Variants in BIRC6 observed in about 807,000 individuals in gnomAD.
BIRC6 encodes baculoviral IAP repeat containing 6.
In BIRC6, 98 loss-of-function variants were observed where a neutral mutation model predicts 503.3. That is an observed-to-expected ratio of 0.19 (90% CI 0.17 to 0.23). The LOEUF is 0.23. Among genes scored for constraint, BIRC6 ranks in the 10% least tolerant of loss-of-function variants. The pLI, the probability that BIRC6 is intolerant of heterozygous loss-of-function variation, is 1.00. For missense variants in BIRC6, 5,360 were observed against 5,806.0 expected (o/e 0.92, Z 2.50); for synonymous variants, 2,240 against 2,078.7 (o/e 1.08, Z -2.11).
intron 65 of BIRC6, chr2:32,564,251 T>C (rs1490978492): frequency 1.3e-5 from 2 of 152,232 alleles, no homozygotes; most frequent in Non-Finnish European, 2.9e-5. Context: ...AAATTGGCTT[T>C]TTCCATGCAG....
chr2:32,441,310 T>G lies in BIRC6; in HGVS notation c.3811-19T>G. 7.0e-7 allele frequency: 1 copy of G among 1,421,290 alleles called. No homozygotes were observed. The highest frequency in any genetic ancestry group is 9.6e-7 in the Non-Finnish European group (1 of 1,044,566). The allele number at this position is 1,421,290 out of a possible 1,614,324, so 88.0% of individuals were successfully genotyped here. A position where few individuals can be genotyped will look rare whatever the true frequency, so the allele number is the denominator to read the frequency against. ...GTTTAGTTTATTTTTTAAAATTCATTATTATTTGTAATGTTTAGGAAAAAT... is the reference window on the plus strand; with the variant it reads ...GTTTAGTTTATTTTTTAAAATTCATGATTATTTGTAATGTTTAGGAAAAAT... On this transcript the variant is annotated intron_variant, in intron 16 of 73. Transcript: ENST00000421745.
chr2:32,494,694 G>A (rs1400246712), intron 45 of BIRC6, among the ~76,000 whole-genome samples: 1 of 151,918 alleles, frequency 6.6e-6, no homozygotes, highest in Middle Eastern at 3.2e-3. Context: ...TTAAGCCCAG[G>A]AGTTTGAGAG....
At chr2:32,421,254 G>A (rs962168458) in intron 10 of BIRC6, among the ~76,000 whole-genome samples, 1 of 151,298 alleles carries the variant, frequency 6.6e-6, no homozygotes, top group South Asian at 2.1e-4. Flanking sequence ...CTACAGGCCC[G>A]AGCCACCACG....
At position 32,543,495 on chromosome 2, in the gene BIRC6, G is replaced by C. The variant is rs1291289464; in HGVS notation, c.12546G>C (p.Gln4182His). 3 of 1,613,990 alleles carry C rather than the reference G, an allele frequency of 1.9e-6. No individual in the cohort carries two copies. The highest frequency in any genetic ancestry group is 2.5e-6 in the Non-Finnish European group (3 of 1,179,898). The change falls in exon 62 of 74, where the codon CAG (glutamine) becomes CAC (histidine). Residue 4182 changes from glutamine (Q) to histidine (H), a missense_variant. This residue lies in a region of BIRC6 where 477 missense variants were observed against 574.4 expected (regional missense o/e 0.83). Coordinates refer to ENST00000421745, the MANE Select transcript of BIRC6 (RefSeq NM_016252.4). ...EVLLKERKHA[Q>H]CLLRLVLGVT... ...TACTGAAAGAGAGAAAACATGCCCA[G>C]TGCCTTCTTCGATTGGTATTGGGAG... is the stretch of plus-strand genomic sequence containing the variant.
At chr2:32,451,055 A>T (rs2046662919) in intron 22 of BIRC6, among the ~76,000 whole-genome samples, 1 of 152,190 alleles carries the variant, frequency 6.6e-6, no homozygotes, top group Non-Finnish European at 1.5e-5. Context: ...CACAAGTTAC[A>T]GTCATCTTGA....
At chr2:32,549,099 T>C (rs573791187) in intron 64 of BIRC6, 32 of 359,956 alleles carry the variant, frequency 8.9e-5, no homozygotes, top group Non-Finnish European at 1.5e-4. Context: ...TGTCTAGTCA[T>C]ATGTAGTGTA....
intron 9 of BIRC6, among the ~76,000 whole-genome samples, chr2:32,413,975 T>G (rs1434926982): frequency 2.0e-5 from 3 of 152,176 alleles, no homozygotes; most frequent in East Asian, 3.9e-4. Flanking sequence ...TTAGTAGAGA[T>G]GCAGCCATCC....
chr2:32,546,572 C>T (rs1205284591), intron 63 of BIRC6, among the ~76,000 whole-genome samples: 1 of 151,032 alleles, frequency 6.6e-6, no homozygotes, highest in Non-Finnish European at 1.5e-5. Context: ...AAGAGTGAAA[C>T]TGTGTCTCAA....
At chr2:32,480,095 C>T (rs1443947620) in intron 37 of BIRC6, among the ~76,000 whole-genome samples, 1 of 152,126 alleles carries the variant, frequency 6.6e-6, no homozygotes, top group African/African-American at 2.4e-5. Context: ...TCAGATGCTG[C>T]AGTCATTTTC....
chr2:32,428,235 C>T (rs997380467), intron 10 of BIRC6, among the ~76,000 whole-genome samples: 2 of 152,318 alleles, frequency 1.3e-5, no homozygotes, highest in African/African-American at 4.8e-5. Flanking sequence ...TTGCTGGACA[C>T]GTGCACAGCC....
chr2:32,531,655 C>T (rs552806273), intron 61 of BIRC6, 104 bp downstream of exon 61: 1 of 1,032,692 alleles, frequency 9.7e-7, no homozygotes, highest in Non-Finnish European at 1.4e-6. Context: ...GTAGAAATAC[C>T]CTTTGCTTTA....
chr2:32,466,661 G>A (rs1226741692), intron 26 of BIRC6, among the ~76,000 whole-genome samples: 1 of 152,168 alleles, frequency 6.6e-6, no homozygotes, highest in East Asian at 1.9e-4. Context: ...AGAGCAGATT[G>A]ATCCTTTACA....
intron 1 of BIRC6, among the ~76,000 whole-genome samples, chr2:32,369,974 A>ATGTGTGTG (rs1558541661): frequency 1.6e-5 from 1 of 62,988 alleles, no homozygotes; most frequent in Non-Finnish European, 3.1e-5. Context: ...ATATATATAT[A>ATGTGTGTG]TATATATATA....
chr2:32,393,179 A>C (rs1356808523), intron 5 of BIRC6, among the ~76,000 whole-genome samples: 2 of 151,970 alleles, frequency 1.3e-5, no homozygotes, highest in Non-Finnish European at 2.9e-5. Context: ...GTGCATTGCA[A>C]CTTGAATATC....
intron 71 of BIRC6, among the ~76,000 whole-genome samples, chr2:32,606,118 T>C (rs1160100104): frequency 1.3e-5 from 2 of 152,228 alleles, no homozygotes; most frequent in Admixed American, 6.5e-5. Context: ...GTAGATAATA[T>C]CTGATGTTTT....
chr2:32,377,485 C>T (rs778445729), intron 1 of BIRC6, 103 bp from the exon 2 acceptor site: 28 of 890,758 alleles, frequency 3.1e-5, no homozygotes, highest in Non-Finnish European at 4.3e-5. Flanking sequence ...GTTTAAGATC[C>T]AATTCAGGAT....
At chr2:32,405,362 A>G (rs2041079625) in intron 8 of BIRC6, among the ~76,000 whole-genome samples, 1 of 152,210 alleles carries the variant, frequency 6.6e-6, no homozygotes, top group Admixed American at 6.5e-5. Flanking sequence ...GGCAACTGTT[A>G]TCACCTGAAA....
At chr2:32,617,672 ATGT>A in intron 73 of BIRC6, 50 bp from the exon 74 acceptor site, 5 of 1,530,124 alleles carry the variant, frequency 3.3e-6, no homozygotes, top group Non-Finnish European at 4.4e-6. Context: ...GCCTCAAATG[ATGT>A]TGTGCTAGAG....
intron 57 of BIRC6, among the ~76,000 whole-genome samples, chr2:32,519,976 T>C (rs917651676): frequency 2.0e-5 from 3 of 152,234 alleles, no homozygotes; most frequent in Non-Finnish European, 2.9e-5. Flanking sequence ...ATAGTTGTGA[T>C]CTTATGTCTG....
Sources: allele counts gnomAD v4.1 joint callset (sites outside exome capture counted in the v4.1 genomes callset), GRCh38; gene constraint gnomAD v4.1.1; regional missense constraint gnomAD v4.1.1; transcripts MANE v1.5; gene names NCBI Gene and HGNC (gene_info 2026-07-23, HGNC 2026-07-21).